Variants in HERC4 observed in about 807,000 individuals in gnomAD.
The protein encoded by HERC4 is probable E3 ubiquitin-protein ligase HERC4.
Under a neutral mutation model 124.3 loss-of-function variants are expected in HERC4, and 28 were observed. That is an observed-to-expected ratio of 0.23 (90% confidence interval 0.17 to 0.31). The LOEUF is 0.31. Ranked by LOEUF, HERC4 falls within the 10% of genes least tolerant of loss-of-function variation. The pLI is 1.00. For missense variants in HERC4, 713 were observed against 1,229.3 expected, an observed-to-expected ratio of 0.58 and a Z score of 6.28; for synonymous variants, 407 against 421.5, an observed-to-expected ratio of 0.97 and a Z score of 0.42.
At chr10:67,947,140 T>C (rs765111430) in intron 19 of HERC4, among the ~76,000 whole-genome samples, 5 of 152,220 alleles carry the variant, frequency 3.3e-5, no homozygotes, top group Non-Finnish European at 7.3e-5. Context: ...CAGATATTTA[T>C]AGGACATTTC....
intron 3 of HERC4, among the ~76,000 whole-genome samples, chr10:68,063,625 G>A (rs2041146870): frequency 6.6e-6 from 1 of 152,146 alleles, no homozygotes; most frequent in Admixed American, 6.5e-5. Flanking sequence ...AATTAAAGAT[G>A]TTCTTTTTCC....
chr10:67,973,138 A>G (rs2035351362), intron 15 of HERC4, among the ~76,000 whole-genome samples: 1 of 152,192 alleles, frequency 6.6e-6, no homozygotes, highest in African/African-American at 2.4e-5. Flanking sequence ...TTTGTTTTCA[A>G]TGTTTCTGTA....
At chr10:68,025,453 C>T in intron 8 of HERC4, 93 bp downstream of exon 8, 3 of 1,383,404 alleles carry the variant, frequency 2.2e-6, no homozygotes, top group South Asian at 1.6e-5. Flanking sequence ...AATGTGTTTC[C>T]TCAGATTATT....
chr10:67,922,775 T>TC lies in HERC4; in HGVS notation c.*155_*156insG. On this transcript the variant is annotated 3_prime_UTR_variant, in exon 25 of 25. Coordinates refer to ENST00000373700, the MANE Select transcript of HERC4 (RefSeq NM_015601.4). ...ATATTAACAGTTTGTTCATTTTCCT[T>TC]TAATATTTTTTGGCTTCCATGAACA... 1.9e-6 allele frequency: 1 copy of TC among 523,908 alleles called. No homozygotes were observed. The highest frequency in any genetic ancestry group is 3.4e-6 in the Non-Finnish European group (1 of 294,170). 32.5% of individuals were successfully genotyped at this position (523,908 alleles called of 1,614,324 possible).
At chr10:67,926,492 T>G (rs556505047) in intron 23 of HERC4, among the ~76,000 whole-genome samples, 1 of 152,282 alleles carries the variant, frequency 6.6e-6, no homozygotes, top group South Asian at 2.1e-4. Context: ...GTTTATACTG[T>G]GAACTGTTCT....
chr10:68,073,315 TATC>T (rs1233149225), intron 2 of HERC4, 129 bp from the exon 3 acceptor site: 2 of 470,102 alleles, frequency 4.3e-6, no homozygotes, highest in Non-Finnish European at 7.5e-6. Flanking sequence ...GCTACATAAG[TATC>T]ATTCAGTTTC....
intron 9 of HERC4, among the ~76,000 whole-genome samples, chr10:68,001,111 G>A (rs1459042918): frequency 6.6e-6 from 1 of 152,086 alleles, no homozygotes; most frequent in Admixed American, 6.6e-5. Context: ...TGGCTCATAT[G>A]CGTAATCCCA....
intron 4 of HERC4, chr10:68,039,290 T>C (rs1589393666): frequency 6.6e-6 from 8 of 1,214,046 alleles, no homozygotes; most frequent in Non-Finnish European, 8.6e-6. Context: ...CACTCCAGAA[T>C]GGGCGATAGA....
At chr10:67,983,502 G>A (rs768189607) in intron 15 of HERC4, among the ~76,000 whole-genome samples, 2 of 152,156 alleles carry the variant, frequency 1.3e-5, no homozygotes, top group Admixed American at 6.5e-5. Context: ...GAATAAGGCC[G>A]GGTGCAGTGG....
At chr10:67,987,024 T>A (rs965585566) in intron 15 of HERC4, among the ~76,000 whole-genome samples, 1 of 152,142 alleles carries the variant, frequency 6.6e-6, no homozygotes, top group Admixed American at 6.5e-5. Context: ...TAAATATATC[T>A]AGAGTATTCA....
chr10:68,016,485 T>C (rs1183204359), intron 8 of HERC4, among the ~76,000 whole-genome samples: 1 of 152,172 alleles, frequency 6.6e-6, no homozygotes, highest in African/African-American at 2.4e-5. Flanking sequence ...CCCAAGTGGC[T>C]GGGACTACAG....
At chr10:67,940,459 A>G (rs2032781601) in intron 20 of HERC4, among the ~76,000 whole-genome samples, 1 of 151,606 alleles carries the variant, frequency 6.6e-6, no homozygotes, top group South Asian at 2.1e-4. Context: ...TTGCTCTGTC[A>G]CCCAGGCTGG....
At chr10:67,997,960 G>T (rs966934133) in intron 9 of HERC4, among the ~76,000 whole-genome samples, 8 of 152,072 alleles carry the variant, frequency 5.3e-5, no homozygotes, top group Non-Finnish European at 1.0e-4. Context: ...GGAGTGCAGT[G>T]GTGTGATCTT....
intron 8 of HERC4, among the ~76,000 whole-genome samples, chr10:68,023,524 T>C (rs1323601662): frequency 6.6e-6 from 1 of 152,118 alleles, no homozygotes; most frequent in Non-Finnish European, 1.5e-5. Flanking sequence ...AGACAGGAAG[T>C]AGAATGGTGG....
intron 8 of HERC4, among the ~76,000 whole-genome samples, chr10:68,022,929 T>C (rs1166268289): frequency 6.6e-6 from 1 of 151,774 alleles, no homozygotes; most frequent in Non-Finnish European, 1.5e-5. Flanking sequence ...AAAAATATGC[T>C]CAGCTCACTA....
chr10:68,048,482 T>G (rs2040126714), intron 3 of HERC4, among the ~76,000 whole-genome samples: 1 of 152,106 alleles, frequency 6.6e-6, no homozygotes, highest in African/African-American at 2.4e-5. Flanking sequence ...AGTAAAATAA[T>G]TAGTGGTTGC....
intron 9 of HERC4, among the ~76,000 whole-genome samples, chr10:68,004,782 C>T (rs2037438816): frequency 6.6e-6 from 1 of 152,168 alleles, no homozygotes; most frequent in African/African-American, 2.4e-5. Context: ...GGGGTAGAGC[C>T]CCTTATAAAA....
chr10:67,934,381 ATATT>A (rs775842070), intron 22 of HERC4, among the ~76,000 whole-genome samples: 1 of 152,146 alleles, frequency 6.6e-6, no homozygotes, highest in East Asian at 1.9e-4. Context: ...AAAATACTAG[ATATT>A]TATTTCTCTC....
chr10:67,990,192 A>T lies in HERC4; in HGVS notation c.1633+19T>A. 1 of 1,567,632 alleles carries T rather than the reference A, an allele frequency of 6.4e-7. No homozygotes were observed. The highest frequency in any genetic ancestry group is 1.2e-5 in the South Asian group (1 of 82,222). ...TTAAAGAGAAAAGGTTTCAAAAGAA[A>T]AAATATTAGAATTCTTACCAAGTAC... On this transcript the variant is annotated intron_variant, in intron 14 of 24. Transcript: ENST00000373700.
Sources: allele counts gnomAD v4.1 joint callset (sites outside exome capture counted in the v4.1 genomes callset), GRCh38; gene constraint gnomAD v4.1.1; transcripts MANE v1.5; gene names NCBI Gene and HGNC (gene_info 2026-07-23, HGNC 2026-07-21).